CLDN16: variants seen among roughly 807,000 people sequenced by gnomAD.
CLDN16 encodes the protein claudin-16.
Under a neutral mutation model 24.6 loss-of-function variants are expected in CLDN16, and 13 were observed. The observed-to-expected ratio is 0.53, with a 90% CI of 0.34 to 0.84. The LOEUF is 0.84. Ranked by LOEUF, CLDN16 falls within the 40% of genes least tolerant of loss-of-function variation. The pLI, the probability that CLDN16 is intolerant of heterozygous loss-of-function variation, is 0.01. For synonymous variants in CLDN16, 116 were observed against 106.7 expected (o/e 1.09, Z -0.54); for missense variants, 298 against 292.7 (o/e 1.02, Z -0.13).
At chr3:190,388,059 C>T (rs774637593), upstream of CLDN16, 18 of 1,511,970 alleles carry the variant, frequency 1.2e-5, no homozygotes, top group East Asian at 6.8e-5. Context: ...CTCCCCCACC[C>T]GAAACACACT....
chr3:190,408,196 A>G, intron 3 of CLDN16, 118 bp from the exon 4 acceptor site: 1 of 978,916 alleles, frequency 1.0e-6, no homozygotes, highest in Non-Finnish European at 1.7e-6. Flanking sequence ...CCATGAATCC[A>G]TGTTACTGTT....
At chr3:190,354,389 T>G (rs1437767664) in intron 1 of CLDN16, among the ~76,000 whole-genome samples, 3 of 151,976 alleles carry the variant, frequency 2.0e-5, no homozygotes, top group Non-Finnish European at 4.4e-5. Flanking sequence ...TAATTTCCCC[T>G]TTTACGGAGG....
At chr3:190,402,497 T>C (rs1303781786) in intron 2 of CLDN16, 58 bp downstream of exon 2, 2 of 1,311,684 alleles carry the variant, frequency 1.5e-6, no homozygotes, top group Non-Finnish European at 2.2e-6. Context: ...GAAAACTGAG[T>C]TCAGGTTTCC....
At chr3:190,372,407 C>G (rs1168574111) in intron 2 of CLDN16, among the ~76,000 whole-genome samples, 2 of 151,866 alleles carry the variant, frequency 1.3e-5, no homozygotes, top group Non-Finnish European at 2.9e-5. Flanking sequence ...ACTCAAGAGG[C>G]TGATGCTGTA....
At chr3:190,305,066 G>T in the CLDN16 span, among the ~76,000 whole-genome samples, 1 of 152,210 alleles carries the variant, frequency 6.6e-6, no homozygotes, top group Non-Finnish European at 1.5e-5. Context: ...AACAGAGTGA[G>T]AATTCTGATG....
At chr3:190,380,980 AGT>A (rs150712839) in intron 3 of CLDN16, among the ~76,000 whole-genome samples, 5,545 of 152,106 alleles carry the variant, frequency 0.036, 146 homozygotes, top group South Asian at 0.063. Flanking sequence ...ATGAACAATG[AGT>A]GTGAGTACAA....
At chr3:190,332,598 G>A (rs1485348073) in intron 1 of CLDN16, among the ~76,000 whole-genome samples, 1 of 152,060 alleles carries the variant, frequency 6.6e-6, no homozygotes, top group Admixed American at 6.6e-5. Context: ...TTATCTCTAA[G>A]GTCTCCTCCG....
chr3:190,312,961 A>G, the CLDN16 span: 184 of 1,614,078 alleles, frequency 1.1e-4, no homozygotes, highest in Non-Finnish European at 6.1e-5. Context: ...CTTCATGCCA[A>G]CGGTGGCCAC....
intron 1 of CLDN16, among the ~76,000 whole-genome samples, chr3:190,392,525 G>C (rs1718706508): frequency 6.6e-6 from 1 of 152,166 alleles, no homozygotes; most frequent in Admixed American, 6.6e-5. Context: ...AGTGTAGTGA[G>C]TGGGACAAAT....
chr3:190,347,817 G>A (rs1717582879), intron 1 of CLDN16, among the ~76,000 whole-genome samples: 1 of 152,050 alleles, frequency 6.6e-6, no homozygotes, highest in African/African-American at 2.4e-5. Flanking sequence ...ATGATATGAG[G>A]TGATTTCAGG....
intron 1 of CLDN16, among the ~76,000 whole-genome samples, chr3:190,395,469 A>G (rs1360296727): frequency 6.6e-6 from 1 of 152,078 alleles, no homozygotes; most frequent in Non-Finnish European, 1.5e-5. Context: ...TATAAAATGT[A>G]AAGGTAAAAT....
the CLDN16 span, chr3:190,308,550 C>T: frequency 9.0e-6 from 9 of 1,005,448 alleles, no homozygotes; most frequent in African/African-American, 1.6e-5. Flanking sequence ...TTGAAAATAA[C>T]CCCTGAATAT....
intron 1 of CLDN16, among the ~76,000 whole-genome samples, chr3:190,333,538 CTATCT>C (rs1560080523): frequency 1.7e-4 from 6 of 34,538 alleles, no homozygotes; most frequent in African/African-American, 6.1e-4. Flanking sequence ...TATCATCTAT[CTATCT>C]ATCTATCTAT....
Position 190,363,025 on chromosome 3 carries a change from G to A in CLDN16, n.122-7868G>A, listed in dbSNP as rs145616165. ...AAATCAAATTCAAAAATTTTTTCAA[G>A]CGACTATTTTTAAAATGTATTTTTA... On this transcript the variant is annotated intron_variant and non_coding_transcript_variant, in intron 1 of 4. Coordinates refer to the CLDN16 transcript ENST00000468220. Among the ~76,000 whole-genome samples, 202 of 151,952 alleles carry A rather than the reference G, an allele frequency of 1.3e-3. 2 individuals are homozygous for A. Among genetic ancestry groups the A allele is most frequent in the African/African-American group, 3.8e-3 (156 of 41,496 alleles).
At chr3:190,297,501 T>G in the CLDN16 span, among the ~76,000 whole-genome samples, 2 of 81,752 alleles carry the variant, frequency 2.4e-5, no homozygotes, top group Non-Finnish European at 4.3e-5. Context: ...TCTATATTTA[T>G]ATCTATATAT....
At chr3:190,398,526 T>G (rs534194809) in intron 1 of CLDN16, among the ~76,000 whole-genome samples, 7 of 152,288 alleles carry the variant, frequency 4.6e-5, no homozygotes, top group African/African-American at 1.7e-4. Flanking sequence ...CAATATGATC[T>G]CAAGGTCCTC....
intron 1 of CLDN16, among the ~76,000 whole-genome samples, chr3:190,395,572 T>C (rs2108663590): frequency 6.6e-6 from 1 of 152,182 alleles, no homozygotes; most frequent in East Asian, 1.9e-4. Context: ...TACTACAATA[T>C]TATTAAAACT....
At chr3:190,355,530 T>C (rs1717749750) in intron 1 of CLDN16, among the ~76,000 whole-genome samples, 1 of 151,914 alleles carries the variant, frequency 6.6e-6, no homozygotes, top group South Asian at 2.1e-4. Context: ...TTCTCTAGGA[T>C]AATTTAAACT....
At chr3:190,341,621 T>C (rs1057152112) in intron 1 of CLDN16, among the ~76,000 whole-genome samples, 1 of 152,190 alleles carries the variant, frequency 6.6e-6, no homozygotes, top group South Asian at 2.1e-4. Flanking sequence ...CCTGGAGATA[T>C]TTTTTTCCAT....
Sources: allele counts gnomAD v4.1 joint callset (sites outside exome capture counted in the v4.1 genomes callset), GRCh38; gene constraint gnomAD v4.1.1; transcripts MANE v1.5; gene names NCBI Gene and HGNC (gene_info 2026-07-23, HGNC 2026-07-21).